The following SPEF2 variants were observed in gnomAD, a reference collection of about 807,000 sequenced individuals.
SPEF2 encodes the protein sperm flagellar and cilia associated 2, also known as sperm flagella and cilia-associated protein 2.
A neutral mutation model predicts 224.6 loss-of-function variants in SPEF2; 187 were observed. The observed-to-expected ratio is 0.83, with a 90% confidence interval of 0.74 to 0.94. SPEF2 has a LOEUF of 0.94. Among genes scored for constraint, SPEF2 ranks in the 40% least tolerant of loss-of-function variants. SPEF2 has a pLI of 0.00. For synonymous variants in SPEF2, 715 were observed against 707.3 expected (o/e 1.01, Z -0.17); for missense variants, 2,170 against 2,135.6 (o/e 1.02, Z -0.32).
At chr5:35,642,510 G>A (rs570656682) in intron 3 of SPEF2, among the ~76,000 whole-genome samples, 8 of 152,226 alleles carry the variant, frequency 5.3e-5, no homozygotes, top group African/African-American at 1.9e-4. Context: ...TTATTTATTT[G>A]TCATATGACC....
chr5:35,667,737 A>G (rs1459923400), intron 9 of SPEF2, among the ~76,000 whole-genome samples: 1 of 152,168 alleles, frequency 6.6e-6, no homozygotes, highest in African/African-American at 2.4e-5. Context: ...AAGGATGTAT[A>G]GAATAGGAGA....
intron 30 of SPEF2, among the ~76,000 whole-genome samples, chr5:35,783,635 A>ATTAC (rs777014050): frequency 6.6e-6 from 1 of 152,198 alleles, no homozygotes; most frequent in African/African-American, 2.4e-5. Flanking sequence ...CATTTGCAAT[A>ATTAC]TTACCCCTGA....
At chr5:35,649,119 CT>C (rs1400555950) in intron 5 of SPEF2, among the ~76,000 whole-genome samples, 3 of 151,996 alleles carry the variant, frequency 2.0e-5, no homozygotes, top group Non-Finnish European at 2.9e-5. Flanking sequence ...CTTTGGTGCC[CT>C]GTCAAAATCA....
At chr5:35,699,195 G>A (rs1416227600) in intron 15 of SPEF2, 1 of 152,078 alleles carries the variant, frequency 6.6e-6, no homozygotes, top group African/African-American at 2.4e-5. Flanking sequence ...AGGATCACAT[G>A]CAGGCCCCAA....
At chr5:35,799,281 G>A (rs1055428627) in intron 33 of SPEF2, among the ~76,000 whole-genome samples, 2 of 152,214 alleles carry the variant, frequency 1.3e-5, no homozygotes, top group East Asian at 3.8e-4. Flanking sequence ...ATGTGTTCCA[G>A]GGCTTGGGCC....
rs1755224199 is a variant in SPEF2, at chr5:35,695,778, A to G, written c.2019A>G (p.Ser673=). ...DKTPKAEEVK[S]SDSFLKLTTR... is the part of the protein sequence containing the mutation. ...CACCAAAAGCTGAAGAAGTCAAATC[A>G]AGTGATAGTTTCTTAAAAGTAAGTA... Residue 673 remains serine, a synonymous_variant, in exon 14 of 37, where the codon TCA becomes TCG. Coordinates refer to ENST00000356031, the MANE Select transcript of SPEF2 (RefSeq NM_024867.4). 6.2e-7 allele frequency: 1 copy of G among 1,609,292 alleles called. No individual in the cohort carries two copies. Among genetic ancestry groups the G allele is most frequent in the African/African-American group, 1.3e-5 (1 of 74,818 alleles).
intron 23 of SPEF2, among the ~76,000 whole-genome samples, chr5:35,751,609 G>A (rs1053105931): frequency 6.6e-6 from 1 of 152,082 alleles, no homozygotes; most frequent in Non-Finnish European, 1.5e-5. Flanking sequence ...ATATTGTTCT[G>A]ATACTTAGCA....
intron 25 of SPEF2, among the ~76,000 whole-genome samples, chr5:35,762,118 GAATA>G (rs1404576874): frequency 4.6e-5 from 7 of 152,018 alleles, no homozygotes; most frequent in Admixed American, 4.6e-4. Flanking sequence ...AGTTAATAAT[GAATA>G]CTTATCATAA....
intron 31 of SPEF2, 74 bp downstream of exon 31, chr5:35,792,520 T>C: frequency 8.2e-7 from 1 of 1,220,790 alleles, no homozygotes; most frequent in Non-Finnish European, 1.2e-6. Flanking sequence ...AGTTCTAAAA[T>C]AATGAGTACT....
At chr5:35,639,973 C>T (rs75608279) in intron 2 of SPEF2, among the ~76,000 whole-genome samples, 2,057 of 152,052 alleles carry the variant, frequency 0.014, 29 homozygotes, top group South Asian at 0.054. Flanking sequence ...AAGTTCTGTT[C>T]CCCAAATTTG....
intron 25 of SPEF2, among the ~76,000 whole-genome samples, chr5:35,761,397 A>G (rs1056577593): frequency 6.6e-6 from 1 of 152,210 alleles, no homozygotes; most frequent in Non-Finnish European, 1.5e-5. Flanking sequence ...TTGAGTCCCA[A>G]TAATGCTCAA....
intron 1 of SPEF2, among the ~76,000 whole-genome samples, chr5:35,618,305 T>A (rs1742958518): frequency 6.6e-6 from 1 of 152,100 alleles, no homozygotes; most frequent in Admixed American, 6.5e-5. Flanking sequence ...CGCTCTCGAG[T>A]TACCCTTGTC....
intron 23 of SPEF2, among the ~76,000 whole-genome samples, chr5:35,740,931 C>T (rs1490435331): frequency 6.6e-6 from 1 of 152,108 alleles, no homozygotes; most frequent in African/African-American, 2.4e-5. Flanking sequence ...CTTGCCACTA[C>T]CTTAAGTATA....
intron 1 of SPEF2, among the ~76,000 whole-genome samples, chr5:35,621,643 A>G (rs1360400799): frequency 6.6e-6 from 1 of 152,154 alleles, no homozygotes; most frequent in Non-Finnish European, 1.5e-5. Flanking sequence ...CCTAATTCCT[A>G]GATGGTTAAG....
chr5:35,700,833 A>G lies in SPEF2; in HGVS notation c.2398+81A>G. 1.6e-5 allele frequency: 22 copies of G among 1,398,398 alleles called. No homozygotes were observed. In the South Asian group the frequency reaches 2.7e-4, roughly 17 times the overall value. The allele number at this position is 1,398,398 out of a possible 1,614,324, so 86.6% of individuals were successfully genotyped here. The stretch of plus-strand genomic sequence containing the variant: ...GAATCAGTGAATACTCCCATTTACA[A>G]TTATAAATGAGTACAAAATAATCCA... On this transcript the variant is annotated intron_variant, in intron 16 of 36. Coordinates refer to ENST00000356031, the MANE Select transcript of SPEF2 (RefSeq NM_024867.4).
intron 23 of SPEF2, among the ~76,000 whole-genome samples, chr5:35,748,053 C>A (rs1184651808): frequency 5.3e-5 from 8 of 152,202 alleles, no homozygotes; most frequent in Admixed American, 2.0e-4. Flanking sequence ...TATGCAAATA[C>A]ATAGAAATTA....
At chr5:35,811,800 CG>C (rs1364436694) in intron 36 of SPEF2, among the ~76,000 whole-genome samples, 1 of 129,174 alleles carries the variant, frequency 7.7e-6, no homozygotes, top group African/African-American at 3.2e-5. Context: ...GACAGAGTCT[CG>C]CTCTGTTGCT....
chr5:35,795,059 A>T (rs745965159), intron 32 of SPEF2, among the ~76,000 whole-genome samples: 3 of 152,190 alleles, frequency 2.0e-5, no homozygotes, highest in Admixed American at 6.5e-5. Flanking sequence ...CTTTAGGTCA[A>T]AATTTTATAA....
intron 30 of SPEF2, chr5:35,789,622 G>A: frequency 1.6e-6 from 1 of 631,826 alleles, no homozygotes; most frequent in African/African-American, 1.8e-5. Flanking sequence ...AGACTTCAAG[G>A]CTGTTTCAGA....
Sources: gnomAD v4.1 joint callset for allele counts (sites outside exome capture counted in the v4.1 genomes callset) on GRCh38, gnomAD v4.1.1 for gene constraint, MANE v1.5 for transcripts, NCBI Gene and HGNC (gene_info 2026-07-23, HGNC 2026-07-21) for gene names.